Variants in TMPRSS15 observed in about 807,000 individuals in gnomAD.
The protein encoded by TMPRSS15 is enteropeptidase.
Under a neutral mutation model 125.3 loss-of-function variants are expected in TMPRSS15, and 128 were observed. That is an observed-to-expected ratio of 1.02 (90% CI 0.89 to 1.18). The LOEUF (loss-of-function observed/expected upper bound fraction) is 1.18, where lower values mean the gene tolerates loss of function less well. TMPRSS15 is among the 50% of genes most tolerant of loss of function. TMPRSS15 has a pLI of 0.00. For missense variants in TMPRSS15, 1,283 were observed against 1,212.7 expected (o/e 1.06, Z -0.86); for synonymous variants, 446 against 423.2 (o/e 1.05, Z -0.66).
intron 16 of TMPRSS15, among the ~76,000 whole-genome samples, chr21:18,321,245 A>G (rs2075231112): frequency 6.6e-6 from 1 of 152,176 alleles, no homozygotes; most frequent in Non-Finnish European, 1.5e-5. Context: ...AAAATAAGAT[A>G]CAAAAATACA....
At chr21:18,394,935 T>C (rs943791915) in intron 3 of TMPRSS15, among the ~76,000 whole-genome samples, 3 of 152,104 alleles carry the variant, frequency 2.0e-5, no homozygotes, top group African/African-American at 7.2e-5. Flanking sequence ...GAGTAACACA[T>C]GCATAACCAT....
At chr21:18,358,476 A>T (rs1314582228) in intron 8 of TMPRSS15, among the ~76,000 whole-genome samples, 2 of 151,948 alleles carry the variant, frequency 1.3e-5, no homozygotes, top group Non-Finnish European at 1.5e-5. Flanking sequence ...TCATAATTTT[A>T]AAAAACTGCA....
chr21:18,403,827 T>C (rs2076120847), upstream of TMPRSS15, among the ~76,000 whole-genome samples: 1 of 152,218 alleles, frequency 6.6e-6, no homozygotes. Flanking sequence ...AAAAGGGTAG[T>C]TAATCTTTAA....
intron 24 of TMPRSS15, among the ~76,000 whole-genome samples, chr21:18,270,978 A>G (rs531762792): frequency 6.6e-6 from 1 of 152,332 alleles, no homozygotes; most frequent in South Asian, 2.1e-4. Context: ...GAATATTTCA[A>G]TCCCAGCTCG....
At chr21:18,344,923 C>T (rs1234618962) in intron 10 of TMPRSS15, among the ~76,000 whole-genome samples, 1 of 152,088 alleles carries the variant, frequency 6.6e-6, no homozygotes, top group Non-Finnish European at 1.5e-5. Flanking sequence ...TTAGTGTTTA[C>T]TTGAAATCAA....
chr21:18,460,934 CTTTAATTATATACTAT>C (rs1978540081), intron 1 of TMPRSS15, among the ~76,000 whole-genome samples: 1 of 152,142 alleles, frequency 6.6e-6, no homozygotes. Context: ...ATGTTTTACA[CTTTAATTATATACTAT>C]TTTTATTTGA....
intron 15 of TMPRSS15, 145 bp from the exon 16 acceptor site, chr21:18,326,717 A>G (rs2075295296): frequency 1.2e-6 from 1 of 840,598 alleles, no homozygotes; most frequent in Admixed American, 2.1e-5. Flanking sequence ...AAATGAACAC[A>G]CACATTCTCT....
intron 8 of TMPRSS15, among the ~76,000 whole-genome samples, chr21:18,354,445 AAG>A (rs2075604439): frequency 6.6e-6 from 1 of 151,296 alleles, no homozygotes; most frequent in Non-Finnish European, 1.5e-5. Flanking sequence ...TTTGATTGTC[AAG>A]AGTTAGTATA....
At chr21:18,383,532 G>A (rs35909926) in intron 4 of TMPRSS15, 95 bp downstream of exon 4, 1 of 1,427,682 alleles carries the variant, frequency 7.0e-7, no homozygotes, top group Non-Finnish European at 9.7e-7. Context: ...ATGTTCCTAA[G>A]GTCAAGCATG....
chr21:18,302,364 G>A (rs2824724), intron 18 of TMPRSS15, among the ~76,000 whole-genome samples: 118,201 of 152,018 alleles, frequency 0.78, 46,070 homozygotes, highest in African/African-American at 0.8. Context: ...GAAGAGATTC[G>A]ATGGCAAATC....
chr21:18,462,699 A>C (rs2122953374), intron 1 of TMPRSS15, among the ~76,000 whole-genome samples: 1 of 152,232 alleles, frequency 6.6e-6, no homozygotes, highest in East Asian at 1.9e-4. Context: ...CTTTCAAAAA[A>C]AAATTGCTTG....
intron 3 of TMPRSS15, among the ~76,000 whole-genome samples, chr21:18,391,715 A>AG (rs986112947): frequency 1.3e-5 from 2 of 152,182 alleles, no homozygotes; most frequent in Non-Finnish European, 2.9e-5. Flanking sequence ...GAGTCAGCCC[A>AG]GGGGGGACTC....
chr21:18,374,609 C>G (rs994360603), intron 5 of TMPRSS15, among the ~76,000 whole-genome samples: 2 of 151,232 alleles, frequency 1.3e-5, no homozygotes, highest in Non-Finnish European at 2.9e-5. Context: ...TTCTAGGAAA[C>G]CTTTTTATCT....
At chr21:18,481,587 C>T (rs1024652329) in intron 1 of TMPRSS15, among the ~76,000 whole-genome samples, 9 of 151,564 alleles carry the variant, frequency 5.9e-5, no homozygotes, top group African/African-American at 1.7e-4. Context: ...CTACAGAAGA[C>T]GGATTAGAAA....
chr21:18,461,171 C>T (rs2122952302), intron 1 of TMPRSS15, among the ~76,000 whole-genome samples: 3 of 152,152 alleles, frequency 2.0e-5, no homozygotes, highest in Non-Finnish European at 1.5e-5. Context: ...GCCAATGAGA[C>T]GTAAGATCTC....
intron 7 of TMPRSS15, among the ~76,000 whole-genome samples, chr21:18,360,604 T>C (rs577728338): frequency 6.6e-6 from 1 of 152,260 alleles, no homozygotes; most frequent in African/African-American, 2.4e-5. Context: ...TTTGATCATA[T>C]ATGTGAGGCT....
rs73893075 is a variant in TMPRSS15, at chr21:18,352,024, A to G, written c.1171+879T>C. On this transcript the variant is annotated intron_variant, in intron 10 of 24. Coordinates refer to ENST00000284885, the MANE Select transcript of TMPRSS15 (RefSeq NM_002772.3). ...AGTATTCTTATCAGCAAGTCATATT[A>G]TAAGATGAATTTTGACTAAGAAAAT... Among the ~76,000 whole-genome samples, 375 of 152,100 alleles carry G rather than the reference A, an allele frequency of 2.5e-3. 1 individual carries two copies. The highest frequency in any genetic ancestry group is 8.9e-3 in the African/African-American group (370 of 41,522).
chr21:18,329,268 C>A lies in TMPRSS15; in HGVS notation c.1681G>T (p.Gly561Ter). The A allele has an allele frequency of 6.2e-7, 1 of 1,610,932 alleles. No homozygotes were observed. The highest frequency in any genetic ancestry group is 8.5e-7 in the Non-Finnish European group (1 of 1,178,268). ...TGAAAATGAAGTTGTATATTCTTTC[C>A]TTTTTGTGCATTTAAAATCCAAACA... ...FCVWILNAQK[G>*]KNIQLHFQEF... Residue 561 changes from glycine to a stop codon, truncating the protein, a stop_gained, in exon 15 of 25, where the codon GGA becomes TGA. Transcript: ENST00000284885. LOFTEE classifies it high-confidence loss of function.
chr21:18,358,443 A>G (rs1022418568), intron 8 of TMPRSS15, among the ~76,000 whole-genome samples: 3 of 151,904 alleles, frequency 2.0e-5, no homozygotes, highest in African/African-American at 7.2e-5. Flanking sequence ...CTATTTGTCC[A>G]CCTATGTAAA....
Sources: gnomAD v4.1 joint callset for allele counts (sites outside exome capture counted in the v4.1 genomes callset) on GRCh38, gnomAD v4.1.1 for gene constraint, MANE v1.5 for transcripts, NCBI Gene and HGNC (gene_info 2026-07-23, HGNC 2026-07-21) for gene names.